PSD2: variants seen among roughly 807,000 people sequenced by gnomAD.
PSD2 encodes the protein pleckstrin and Sec7 domain containing 2, also known as PH and SEC7 domain-containing protein 2.
PSD2 carries 38 observed loss-of-function variants against 69.8 expected under a neutral mutation model. The observed-to-expected ratio is 0.54, with a 90% confidence interval of 0.42 to 0.71. PSD2 has a LOEUF of 0.71. Among genes scored for constraint, PSD2 ranks in the 30% least tolerant of loss-of-function variants. The probability of loss-of-function intolerance (pLI) is 0.00; values close to 1 mark genes in which losing one functional copy is unlikely to be tolerated. For missense variants in PSD2, 943 were observed against 1,014.5 expected (o/e 0.93, Z 0.96); for synonymous variants, 412 against 423.0 (o/e 0.97, Z 0.32).
intron 1 of PSD2, among the ~76,000 whole-genome samples, chr5:139,801,555 C>T (rs1308789221): frequency 6.6e-6 from 1 of 152,238 alleles, no homozygotes; most frequent in Non-Finnish European, 1.5e-5. Flanking sequence ...CTCTTGATAT[C>T]AGGGTGCCCC....
Position 139,814,464 on chromosome 5 carries a change from G to T in PSD2, c.1016+100G>T, listed in dbSNP as rs549865608. On this transcript the variant is annotated intron_variant, in intron 4 of 14. Transcript: ENST00000274710. The surrounding 1 kb of genome is among the most constrained non-coding windows in gnomAD (Gnocchi z 4.4). ...CCTTCTTCAGGGGTGCCAGGTGCTG[G>T]GGGGGCACTCCCAACAGTTCCCCAA... is the stretch of plus-strand genomic sequence containing the variant. The T allele has an allele frequency of 3.4e-4, 379 of 1,106,784 alleles. 3 individuals are homozygous for T. Among genetic ancestry groups the T allele is most frequent in the Non-Finnish European group, 4.4e-4 (350 of 803,908 alleles). The allele number at this position is 1,106,784 out of a possible 1,614,324, so 68.6% of individuals were successfully genotyped here.
At chr5:139,827,817 C>T (rs867718277) in intron 7 of PSD2, among the ~76,000 whole-genome samples, 1 of 152,256 alleles carries the variant, frequency 6.6e-6, no homozygotes, top group Non-Finnish European at 1.5e-5. Flanking sequence ...ATGAGAACAG[C>T]GTGGGGGAAC....
chr5:139,766,924 CCTTCCCTTCTTTCTTTCTTT>C, the PSD2 span, among the ~76,000 whole-genome samples: 424 of 33,130 alleles, frequency 0.013, 16 homozygotes, highest in African/African-American at 0.025. Context: ...TTCCTTCCTT[CCTTCCCTTCTTTCTTTCTTT>C]CTTTCTTTCT....
chr5:139,748,923 A>T, the PSD2 span, among the ~76,000 whole-genome samples: 3 of 151,554 alleles, frequency 2.0e-5, no homozygotes, highest in Non-Finnish European at 4.4e-5. Context: ...GGGTGAATAC[A>T]TAGGGGTGGG....
At chr5:139,833,330 G>C (rs1460865860) in intron 7 of PSD2, among the ~76,000 whole-genome samples, 1 of 152,032 alleles carries the variant, frequency 6.6e-6, no homozygotes, top group Non-Finnish European at 1.5e-5. Flanking sequence ...CCTGTCAAAT[G>C]GGGATAATAA....
At chr5:139,821,830 G>T (rs144579846) in intron 5 of PSD2, 63 bp from the exon 6 acceptor site, 8 of 896,050 alleles carry the variant, frequency 8.9e-6, no homozygotes, top group African/African-American at 4.9e-5. Context: ...TGTGTGTGTG[G>T]GGGGTGGTCT....
At chr5:139,781,622 A>G in the PSD2 span, among the ~76,000 whole-genome samples, 2 of 148,306 alleles carry the variant, frequency 1.3e-5, no homozygotes, top group Non-Finnish European at 3.0e-5. Context: ...GGTGTGAGCC[A>G]CGGCGCCTGG....
At chr5:139,754,301 G>T in the PSD2 span, among the ~76,000 whole-genome samples, 1 of 152,110 alleles carries the variant, frequency 6.6e-6, no homozygotes, top group African/African-American at 2.4e-5. Flanking sequence ...GTGTGGTGTT[G>T]CATGTCTGTA....
Position 139,837,498 on chromosome 5 carries a change from T to C in PSD2, c.1666-127T>C. The stretch of plus-strand genomic sequence containing the variant: ...AGGGGAGGAGTACCTGGATTCTTGT[T>C]GGGGTGGGTGAGGCAGCAGGAACAG... On this transcript the variant is annotated intron_variant, in intron 11 of 14. Coordinates refer to ENST00000274710, the MANE Select transcript of PSD2 (RefSeq NM_032289.4). This position sits in a 1 kb window ranked among gnomAD's most constrained non-coding sequence, Gnocchi z 5.0. 9.7e-7 allele frequency: 1 copy of C among 1,025,680 alleles called. No homozygotes were observed. Among genetic ancestry groups the C allele is most frequent in the Non-Finnish European group, 1.4e-6 (1 of 701,234 alleles). 63.5% of individuals were successfully genotyped at this position (1,025,680 alleles called of 1,614,324 possible). A position where few individuals can be genotyped will look rare whatever the true frequency, so the allele number is the denominator to read the frequency against.
At chr5:139,823,953 C>T (rs1400824400) in intron 7 of PSD2, among the ~76,000 whole-genome samples, 1 of 152,180 alleles carries the variant, frequency 6.6e-6, no homozygotes, top group Non-Finnish European at 1.5e-5. Context: ...TCAGGAAGAG[C>T]AAATATGCGA....
At position 139,843,429 on chromosome 5, in the gene PSD2, T is replaced by C. The variant is rs1017864803; in HGVS notation, c.*955T>C. 6.6e-6 allele frequency: 1 copy of C among 152,150 alleles called. No individual in the cohort carries two copies. Among genetic ancestry groups the C allele is most frequent in the Non-Finnish European group, 1.5e-5 (1 of 68,036 alleles). The allele number at this position is 152,150 out of a possible 1,614,324, so 9.4% of individuals were successfully genotyped here. A position where few individuals can be genotyped will look rare whatever the true frequency, so the allele number is the denominator to read the frequency against. On this transcript the variant is annotated 3_prime_UTR_variant, in exon 15 of 15. Transcript: ENST00000274710. ...TCCCATGGATATCCTGGGGTGTGAG[T>C]CGGATGGGACCACGGCCCTGTTTAT... is the stretch of plus-strand genomic sequence containing the variant.
the PSD2 span, among the ~76,000 whole-genome samples, chr5:139,751,421 A>G: frequency 6.6e-6 from 1 of 152,136 alleles, no homozygotes; most frequent in Non-Finnish European, 1.5e-5. Context: ...GCCCAGGCAG[A>G]TGGGGAGGCA....
the PSD2 span, among the ~76,000 whole-genome samples, chr5:139,774,907 G>A: frequency 6.6e-6 from 1 of 152,194 alleles, no homozygotes; most frequent in African/African-American, 2.4e-5. Context: ...CACCATGGGA[G>A]TGTGGTGCTT....
At chr5:139,776,233 C>T in the PSD2 span, among the ~76,000 whole-genome samples, 1 of 152,250 alleles carries the variant, frequency 6.6e-6, no homozygotes, top group Non-Finnish European at 1.5e-5. Context: ...TCTGCTGAAT[C>T]TCCTCTGGGC....
the PSD2 span, among the ~76,000 whole-genome samples, chr5:139,769,449 C>T: frequency 6.6e-6 from 1 of 152,178 alleles, no homozygotes; most frequent in Non-Finnish European, 1.5e-5. Flanking sequence ...TCTATGCCCT[C>T]ATCTCTCCCA....
intron 5 of PSD2, among the ~76,000 whole-genome samples, chr5:139,820,547 G>A (rs766202942): frequency 1.3e-4 from 20 of 152,156 alleles, no homozygotes; most frequent in Non-Finnish European, 1.2e-4. Context: ...GGTGCCTTAG[G>A]AGGTGGCATG....
upstream of PSD2, among the ~76,000 whole-genome samples, chr5:139,794,125 T>A (rs1759467100): frequency 6.6e-6 from 1 of 152,196 alleles, no homozygotes; most frequent in African/African-American, 2.4e-5. Context: ...GGCTCCCTTG[T>A]TTCTGGGCTC....
chr5:139,832,286 T>C (rs1210593148), intron 7 of PSD2, among the ~76,000 whole-genome samples: 2 of 152,230 alleles, frequency 1.3e-5, no homozygotes, highest in Admixed American at 6.5e-5. Flanking sequence ...CACAGCTATA[T>C]ACTTATATAT....
intron 4 of PSD2, 134 bp from the exon 5 acceptor site, chr5:139,817,347 A>C: frequency 1.4e-6 from 1 of 726,446 alleles, no homozygotes; most frequent in Non-Finnish European, 2.4e-6. Flanking sequence ...TGGCCCAACT[A>C]GCCAGCAGCC....
Sources: gnomAD v4.1 joint callset for allele counts (sites outside exome capture counted in the v4.1 genomes callset) on GRCh38, gnomAD v4.1.1 for gene constraint, Gnocchi (gnomAD v3.1) non-coding constraint, MANE v1.5 for transcripts, NCBI Gene and HGNC (gene_info 2026-07-23, HGNC 2026-07-21) for gene names.